The following CCDC141 variants were observed in gnomAD, a reference collection of about 807,000 sequenced individuals.
The protein encoded by CCDC141 is coiled-coil domain-containing protein 141.
A neutral mutation model predicts 181.0 loss-of-function variants in CCDC141; 168 were observed. That is an observed-to-expected ratio of 0.93 (90% CI 0.82 to 1.05). The LOEUF (loss-of-function observed/expected upper bound fraction) is 1.05. Ranked by LOEUF, CCDC141 falls within the 50% of genes least tolerant of loss-of-function variation. The pLI is 0.00. For synonymous variants in CCDC141, 666 were observed against 642.3 expected, an observed-to-expected ratio of 1.04 and a Z score of -0.56; for missense variants, 1,902 against 1,788.5, an observed-to-expected ratio of 1.06 and a Z score of -1.14.
At chr2:178,996,320 C>T (rs550660923) in intron 2 of CCDC141, among the ~76,000 whole-genome samples, 11 of 152,158 alleles carry the variant, frequency 7.2e-5, no homozygotes, top group African/African-American at 2.2e-4. Context: ...TCAGGTGATC[C>T]GTCTGCCTTG....
At chr2:178,963,290 T>A (rs1047137764) in intron 4 of CCDC141, among the ~76,000 whole-genome samples, 5 of 151,966 alleles carry the variant, frequency 3.3e-5, no homozygotes, top group Non-Finnish European at 5.9e-5. Context: ...CAATGAGAAG[T>A]GAGAAGAAAG....
chr2:178,969,104 C>CAAAAAA (rs55999054), intron 4 of CCDC141, among the ~76,000 whole-genome samples: 1 of 51,194 alleles, frequency 2.0e-5, no homozygotes, highest in Non-Finnish European at 3.5e-5. Flanking sequence ...GCTTACCAAC[C>CAAAAAA]AAAAAAAAAA....
Position 178,832,781 on chromosome 2 carries a change from T to C in CCDC141, c.*1392A>G, listed in dbSNP as rs1684310760. On this transcript the variant is annotated 3_prime_UTR_variant, in exon 24 of 24. Transcript: ENST00000443758. Reference sequence around the variant, plus strand: ...ATTTCTTCCCTTCATCAAAAATCTGTAATGAATTATTCTTTCAACTAAAGA... The same window carrying C: ...ATTTCTTCCCTTCATCAAAAATCTGCAATGAATTATTCTTTCAACTAAAGA... 6.6e-6 allele frequency: 1 copy of C among 152,158 alleles called. No individual in the cohort carries two copies. Among genetic ancestry groups the C allele is most frequent in the Non-Finnish European group, 1.5e-5 (1 of 68,026 alleles). 9.4% of individuals were successfully genotyped at this position (152,158 alleles called of 1,614,324 possible).
rs183882389 is a variant in CCDC141, at chr2:178,913,523, G to T, written c.1092+5190C>A. On this transcript the variant is annotated intron_variant, in intron 7 of 23. Coordinates refer to ENST00000443758, the MANE Select transcript of CCDC141 (RefSeq NM_173648.4). Reference sequence around the variant, plus strand: ...AATGTTAATATCCCATATATATCACGTATATATAAATGAAAAAAGTATACA... The same window carrying T: ...AATGTTAATATCCCATATATATCACTTATATATAAATGAAAAAAGTATACA... 3.5e-3 allele frequency among the ~76,000 whole-genome samples: 530 copies of T among 151,674 alleles called. 2 individuals carry two copies. Among genetic ancestry groups the T allele is most frequent in the Admixed American group, 0.013 (202 of 15,242 alleles).
chr2:178,847,000 C>T (rs142748302), intron 21 of CCDC141, among the ~76,000 whole-genome samples: 25 of 152,270 alleles, frequency 1.6e-4, no homozygotes, highest in East Asian at 5.8e-4. Context: ...TAGACATTTG[C>T]TCTCTTCATA....
At chr2:178,847,603 C>T (rs1047264195) in intron 21 of CCDC141, among the ~76,000 whole-genome samples, 1 of 152,152 alleles carries the variant, frequency 6.6e-6, no homozygotes, top group Non-Finnish European at 1.5e-5. Flanking sequence ...CTAAATTTAG[C>T]AGCGCCAGAG....
At chr2:178,859,080 A>G (rs138366652) in intron 17 of CCDC141, among the ~76,000 whole-genome samples, 8 of 152,324 alleles carry the variant, frequency 5.3e-5, no homozygotes, top group African/African-American at 1.7e-4. Flanking sequence ...TCATGACACT[A>G]TGAGTATGTG....
intron 8 of CCDC141, among the ~76,000 whole-genome samples, chr2:178,898,903 A>T (rs7564756): frequency 0.28 from 42,273 of 152,118 alleles, 7,660 homozygotes; most frequent in Non-Finnish European, 0.41. Context: ...ATAAGTGTTT[A>T]TCTTCCCTAT....
At chr2:178,815,851 C>T in the CCDC141 span, among the ~76,000 whole-genome samples, 4 of 151,716 alleles carry the variant, frequency 2.6e-5, no homozygotes, top group African/African-American at 9.7e-5. Flanking sequence ...TTCATGGATG[C>T]AGAACATGTG....
Position 178,905,383 on chromosome 2 carries a change from G to A in CCDC141, c.1211C>T (p.Thr404Ile). The change falls in exon 8 of 24, where the codon ACA becomes ATA. Residue 404 changes from threonine (T) to isoleucine (I), a missense_variant. By Grantham distance (89) the Thr-to-Ile change is moderately conservative (BLOSUM62 -1). Transcript: ENST00000443758. The part of the protein sequence containing the change: ...EELHRKIKDC[T>I]TDALQKGQTL... The stretch of plus-strand genomic sequence containing the variant: ...TTGTCCCTTTTGCAAAGCATCAGTT[G>A]TGCAGTCTTTAATTTTTCTGTGTAA... The A allele has an allele frequency of 6.4e-7, 1 of 1,550,622 alleles. No individual in the cohort carries two copies. Among genetic ancestry groups the A allele is most frequent in the Non-Finnish European group, 8.7e-7 (1 of 1,146,942 alleles).
At chr2:178,959,135 G>A (rs540388359) in intron 5 of CCDC141, among the ~76,000 whole-genome samples, 5 of 150,196 alleles carry the variant, frequency 3.3e-5, no homozygotes, top group South Asian at 2.1e-4. Flanking sequence ...ACACACTGGG[G>A]CCTGTTGTGG....
chr2:178,974,072 T>G (rs77135201), intron 4 of CCDC141, among the ~76,000 whole-genome samples: 5,387 of 152,114 alleles, frequency 0.035, 195 homozygotes, highest in East Asian at 0.13. Flanking sequence ...GATTGAGTCC[T>G]TTAATCTTAC....
intron 2 of CCDC141, among the ~76,000 whole-genome samples, chr2:179,008,428 T>C (rs1408988581): frequency 6.6e-6 from 1 of 152,186 alleles, no homozygotes; most frequent in Non-Finnish European, 1.5e-5. Context: ...ACTGAGCAGC[T>C]GAGCCCTTTG....
At position 178,869,244 on chromosome 2, in the gene CCDC141, G is replaced by T. The variant is rs1685999188; in HGVS notation, c.2267C>A (p.Ala756Asp). ...KESEELTGRG[A>D]PVKEKSQQLK... The stretch of plus-strand genomic sequence containing the variant: ...TTGTTGAGACTTTTCTTTTACAGGG[G>T]CTCCTCTGCCAGTTAACTCCTCTGA... Residue 756 changes from alanine to aspartate, a missense_variant, in exon 15 of 24, where the codon GCC (alanine) becomes GAC (aspartate). Physicochemically the swap from Ala to Asp is moderately radical, Grantham distance 126. Transcript: ENST00000443758. The T allele has an allele frequency of 6.8e-6, 11 of 1,613,326 alleles. No individual in the cohort carries two copies. The highest frequency in any genetic ancestry group is 9.3e-6 in the Non-Finnish European group (11 of 1,179,616).
At chr2:178,851,220 A>T (rs1407343070) in intron 20 of CCDC141, among the ~76,000 whole-genome samples, 1 of 151,768 alleles carries the variant, frequency 6.6e-6, no homozygotes, top group Non-Finnish European at 1.5e-5. Context: ...AAAAAAAAAA[A>T]AAAAGGACTT....
At chr2:178,880,791 C>A (rs1224452782) in intron 11 of CCDC141, among the ~76,000 whole-genome samples, 1 of 152,106 alleles carries the variant, frequency 6.6e-6, no homozygotes, top group East Asian at 1.9e-4. Context: ...TAAATGCTCA[C>A]TGAGAAAGTG....
rs796613356 is a variant in CCDC141, at chr2:178,849,337, A to G, written c.3357+712T>C. ...GATTAAATAATTTACCCAAGGTCAC[A>G]AATCCAATTATTTAGGGAGTTGGTA... On this transcript the variant is annotated intron_variant, in intron 21 of 23. Transcript: ENST00000443758. Among the ~76,000 whole-genome samples the G allele has an allele frequency of 1.4e-4, 21 of 152,336 alleles. 2 individuals are homozygous for G. Among genetic ancestry groups the G allele is most frequent in the African/African-American group, 5.1e-4 (21 of 41,580 alleles).
In CCDC141 at chr2:178,955,620, A is replaced by G. The variant is rs1230357744; in HGVS notation, c.780+5610T>C. Among the ~76,000 whole-genome samples the G allele has an allele frequency of 2.0e-5, 3 of 152,290 alleles. No individual in the cohort carries two copies. In the South Asian group the frequency reaches 6.2e-4, roughly 32 times the overall value. ...TAATACAGTATATATAGGCTAACTC[A>G]ATTAATTTTCATTTGTTTGTTTAGT... On this transcript the variant is annotated intron_variant, in intron 5 of 23. Transcript: ENST00000443758.
intron 8 of CCDC141, among the ~76,000 whole-genome samples, chr2:178,899,200 C>T (rs1464766550): frequency 6.6e-6 from 1 of 152,162 alleles, no homozygotes; most frequent in Admixed American, 6.5e-5. Context: ...CACAAGTCTG[C>T]AGCCTAGAAA....
Sources: gnomAD v4.1 joint callset for allele counts (sites outside exome capture counted in the v4.1 genomes callset) on GRCh38, gnomAD v4.1.1 for gene constraint, MANE v1.5 for transcripts, NCBI Gene and HGNC (gene_info 2026-07-23, HGNC 2026-07-21) for gene names.